The following ADCY2 variants were observed in gnomAD, a reference collection of about 807,000 sequenced individuals.
The protein encoded by ADCY2 is adenylate cyclase 2, also known as adenylate cyclase type 2.
ADCY2 carries 31 observed loss-of-function variants against 125.2 expected under a neutral mutation model. That is an observed-to-expected ratio of 0.25 (90% confidence interval 0.19 to 0.33). The LOEUF (loss-of-function observed/expected upper bound fraction) is 0.33, where lower values mean the gene tolerates loss of function less well. Among genes scored for constraint, ADCY2 ranks in the 10% least tolerant of loss-of-function variants. The probability of loss-of-function intolerance (pLI) is 1.00; values close to 1 mark genes in which losing one functional copy is unlikely to be tolerated. For missense variants in ADCY2, 904 were observed against 1,418.2 expected, an observed-to-expected ratio of 0.64 and a Z score of 5.82; for synonymous variants, 512 against 548.4, an observed-to-expected ratio of 0.93 and a Z score of 0.93.
At chr5:7,451,979 C>T (rs181353154) in intron 2 of ADCY2, among the ~76,000 whole-genome samples, 245 of 152,240 alleles carry the variant, frequency 1.6e-3, no homozygotes, top group African/African-American at 4.3e-3. Flanking sequence ...TGGCACATCT[C>T]GGCTCACTGC....
Position 7,709,244 on chromosome 5 carries a change from C to T in ADCY2, c.1435C>T (p.Pro479Ser). The change falls in exon 10 of 25, where the codon CCT (proline) becomes TCT (serine). Residue 479 changes from proline (P) to serine (S), a missense_variant. Pro to Ser is a moderately conservative substitution (Grantham distance 74). Coordinates refer to ENST00000338316, the MANE Select transcript of ADCY2 (RefSeq NM_020546.3). The surrounding 1 kb of genome is among the most constrained non-coding windows in gnomAD (Gnocchi z 4.4). ...ACGGAGCCCCCAGCATCTCTTCAGACCTCGCCACACCCTTGATGGAGCCAA... is the reference window on the plus strand; with the variant it reads ...ACGGAGCCCCCAGCATCTCTTCAGATCTCGCCACACCCTTGATGGAGCCAA... ...ERRSPQHLFRPRHTLDGAKMR... is the reference protein window; with the variant it reads ...ERRSPQHLFRSRHTLDGAKMR... 1.9e-6 allele frequency: 3 copies of T among 1,613,490 alleles called. No homozygotes were observed. In the South Asian group the frequency reaches 3.3e-5, roughly 18 times the overall value.
rs1212236194 is a variant in ADCY2, at chr5:7,801,440, C to T, written c.2629-778C>T. 3 of 152,210 alleles carry T rather than the reference C, an allele frequency of 2.0e-5. No homozygotes were observed. In the East Asian group the frequency reaches 5.8e-4, roughly 29 times the overall value. The allele number at this position is 152,210 out of a possible 1,614,324, so 9.4% of individuals were successfully genotyped here. A position where few individuals can be genotyped will look rare whatever the true frequency, so the allele number is the denominator to read the frequency against. On this transcript the variant is annotated intron_variant, in intron 20 of 24. Coordinates refer to ENST00000338316, the MANE Select transcript of ADCY2 (RefSeq NM_020546.3). Reference sequence around the variant, plus strand: ...CCCGGCTAGTCTGCCTGTGTTAGGGCCATCTCAGGGGTCTGAGGACCCCTT... The same window carrying T: ...CCCGGCTAGTCTGCCTGTGTTAGGGTCATCTCAGGGGTCTGAGGACCCCTT...
At chr5:7,403,471 T>A (rs1422950102) in intron 1 of ADCY2, among the ~76,000 whole-genome samples, 1 of 152,220 alleles carries the variant, frequency 6.6e-6, no homozygotes, top group Non-Finnish European at 1.5e-5. Flanking sequence ...AAAATAGAAT[T>A]ACTCATTTGA....
At chr5:7,745,655 C>G (rs747418114) in intron 15 of ADCY2, among the ~76,000 whole-genome samples, 2 of 152,184 alleles carry the variant, frequency 1.3e-5, no homozygotes, top group Non-Finnish European at 2.9e-5. Flanking sequence ...TCCTTGCCCC[C>G]ACAAATCTCC....
chr5:7,462,827 A>G (rs1741961612), intron 2 of ADCY2, among the ~76,000 whole-genome samples: 1 of 152,250 alleles, frequency 6.6e-6, no homozygotes. Flanking sequence ...GACATTAAAT[A>G]AATTGATTGC....
chr5:7,548,685 G>GT (rs1451670011), intron 3 of ADCY2, among the ~76,000 whole-genome samples: 1 of 152,138 alleles, frequency 6.6e-6, no homozygotes, highest in East Asian at 1.9e-4. Context: ...GATCTGAAAT[G>GT]TTTTTTCAGG....
Position 7,621,058 on chromosome 5 carries a change from A to G in ADCY2, c.571-5109A>G, listed in dbSNP as rs548465507. Among the ~76,000 whole-genome samples, 12 of 152,366 alleles carry G rather than the reference A, an allele frequency of 7.9e-5. No individual in the cohort carries two copies. In the East Asian group the frequency reaches 2.3e-3, roughly 29 times the overall value. On this transcript the variant is annotated intron_variant, in intron 3 of 24. Coordinates refer to ENST00000338316, the MANE Select transcript of ADCY2 (RefSeq NM_020546.3). ...TAGAATAGTAAACTCTTTAAAATGCATAACATATCAAAGCCATAACAAGGG... is the reference window on the plus strand; with the variant it reads ...TAGAATAGTAAACTCTTTAAAATGCGTAACATATCAAAGCCATAACAAGGG...
Position 7,802,201 on chromosome 5 carries a change from G to A in ADCY2, c.2629-17G>A. 1 of 1,612,370 alleles carries A rather than the reference G, an allele frequency of 6.2e-7. No individual in the cohort carries two copies. The highest frequency in any genetic ancestry group is 8.5e-7 in the Non-Finnish European group (1 of 1,179,582). ...GTCAGTCTCCTAGTGATCAGCTCTT[G>A]CTTTTCTCCCAAGCAGGAGCTATAC... On this transcript the variant is annotated splice_polypyrimidine_tract_variant and intron_variant, in intron 20 of 24. Transcript: ENST00000338316. The surrounding 1 kb of genome is among the most constrained non-coding windows in gnomAD (Gnocchi z 4.6).
intron 7 of ADCY2, among the ~76,000 whole-genome samples, chr5:7,703,198 C>T (rs1338715438): frequency 1.3e-5 from 2 of 151,836 alleles, no homozygotes; most frequent in South Asian, 2.1e-4. Flanking sequence ...ACTCTGATGG[C>T]AGTTTCTTTT....
intron 2 of ADCY2, among the ~76,000 whole-genome samples, chr5:7,475,640 C>T (rs1742497176): frequency 6.6e-6 from 1 of 152,172 alleles, no homozygotes; most frequent in African/African-American, 2.4e-5. Flanking sequence ...CCTCGGCCTC[C>T]CAAAGTGTTA....
intron 4 of ADCY2, among the ~76,000 whole-genome samples, chr5:7,689,541 G>A (rs140206723): frequency 3.1e-4 from 47 of 152,232 alleles, no homozygotes; most frequent in African/African-American, 1.0e-3. Context: ...GATGAGCGGG[G>A]AGAAAGGATC....
chr5:7,811,801 C>G (rs1561029047), intron 22 of ADCY2, among the ~76,000 whole-genome samples: 1 of 152,158 alleles, frequency 6.6e-6, no homozygotes, highest in Non-Finnish European at 1.5e-5. Context: ...CCTCACCCTC[C>G]TAGTCTATTG....
chr5:7,677,149 G>A (rs1287860792), intron 4 of ADCY2, among the ~76,000 whole-genome samples: 5 of 152,118 alleles, frequency 3.3e-5, no homozygotes, highest in East Asian at 1.9e-4. Flanking sequence ...TTGGTGGCAC[G>A]GGCCTGTAAT....
Position 7,728,699 on chromosome 5 carries a change from G to T in ADCY2, c.1871+1438G>T, listed in dbSNP as rs975706076. On this transcript the variant is annotated intron_variant, in intron 14 of 24. Coordinates refer to ENST00000338316, the MANE Select transcript of ADCY2 (RefSeq NM_020546.3). Reference sequence around the variant, plus strand: ...TGAAATAACTATTACCCAGGGAATGGGTCCTTATTGTTACTCTTACATAGA... The same window carrying T: ...TGAAATAACTATTACCCAGGGAATGTGTCCTTATTGTTACTCTTACATAGA... 7.2e-5 allele frequency among the ~76,000 whole-genome samples: 11 copies of T among 152,068 alleles called. No individual in the cohort carries two copies. The East Asian group carries it at 1.9e-3, about 27-fold the overall frequency.
At chr5:7,744,952 G>A (rs762552340) in intron 15 of ADCY2, among the ~76,000 whole-genome samples, 13 of 152,136 alleles carry the variant, frequency 8.5e-5, no homozygotes, top group Non-Finnish European at 1.6e-4. Flanking sequence ...AGATGACACC[G>A]CCAAGGAAGC....
chr5:7,729,104 T>TGGA (rs1742018554), intron 14 of ADCY2, among the ~76,000 whole-genome samples: 1 of 152,218 alleles, frequency 6.6e-6, no homozygotes, highest in East Asian at 1.9e-4. Context: ...CCTCATCTAA[T>TGGA]GGAGTCCCCA....
At chr5:7,500,946 C>G (rs1743538722) in intron 2 of ADCY2, among the ~76,000 whole-genome samples, 1 of 152,076 alleles carries the variant, frequency 6.6e-6, no homozygotes, top group African/African-American at 2.4e-5. Context: ...TCAACACAAG[C>G]TTCATCAACA....
intron 4 of ADCY2, among the ~76,000 whole-genome samples, chr5:7,670,652 CA>C (rs1561157331): frequency 6.6e-6 from 1 of 152,154 alleles, no homozygotes; most frequent in East Asian, 1.9e-4. Flanking sequence ...TTCCACAGAT[CA>C]GGGGAGAGGA....
chr5:7,602,369 T>G (rs186549205), intron 3 of ADCY2, among the ~76,000 whole-genome samples: 77 of 152,324 alleles, frequency 5.1e-4, no homozygotes, highest in African/African-American at 1.8e-3. Context: ...ATGTGTCTTC[T>G]ATTTCTATGG....
Sources: gnomAD v4.1 joint callset for allele counts (sites outside exome capture counted in the v4.1 genomes callset) on GRCh38, gnomAD v4.1.1 for gene constraint, Gnocchi (gnomAD v3.1) non-coding constraint, MANE v1.5 for transcripts, NCBI Gene and HGNC (gene_info 2026-07-23, HGNC 2026-07-21) for gene names.